HOOK3: variants seen among roughly 807,000 people sequenced by gnomAD.
The protein encoded by HOOK3 is protein Hook homolog 3.
In HOOK3, 24 loss-of-function variants were observed where a neutral mutation model predicts 116.3. That is an observed-to-expected ratio of 0.21 (90% CI 0.15 to 0.29). The LOEUF is 0.29. Among genes scored for constraint, HOOK3 ranks in the 10% least tolerant of loss-of-function variants. The pLI, the probability that HOOK3 is intolerant of heterozygous loss-of-function variation, is 1.00. For synonymous variants in HOOK3, 275 were observed against 283.0 expected (o/e 0.97, Z 0.28); for missense variants, 632 against 830.2 (o/e 0.76, Z 2.93).
chr8:43,024,472 C>T lies in HOOK3; in HGVS notation c.*5974C>T. The stretch of plus-strand genomic sequence containing the variant: ...CCATTCAATAAGGATAATCTCTCTT[C>T]CTATCATTCTGTCAAAATGGCAGTT... On this transcript the variant is annotated 3_prime_UTR_variant, in exon 22 of 22. Coordinates refer to ENST00000307602, the MANE Select transcript of HOOK3 (RefSeq NM_032410.4). 1 of 186,348 alleles carries T rather than the reference C, an allele frequency of 5.4e-6. No homozygotes were observed. The highest frequency in any genetic ancestry group is 8.6e-5 in the East Asian group (1 of 11,604). 11.5% of individuals were successfully genotyped at this position (186,348 alleles called of 1,614,324 possible).
At chr8:42,953,285 G>T (rs1309077214) in intron 6 of HOOK3, among the ~76,000 whole-genome samples, 1 of 150,642 alleles carries the variant, frequency 6.6e-6, no homozygotes, top group Non-Finnish European at 1.5e-5. Context: ...GTAAAATACG[G>T]CCAGGCGCGG....
chr8:42,950,562 G>A, intron 6 of HOOK3, 107 bp downstream of exon 6: 1 of 623,098 alleles, frequency 1.6e-6, no homozygotes, highest in East Asian at 2.7e-5. Flanking sequence ...TTTTTAAAGA[G>A]TTTTTACTTT....
chr8:42,970,634 A>G lies in HOOK3; in HGVS notation c.1122+2420A>G, dbSNP rs533839394. Among the ~76,000 whole-genome samples the G allele has an allele frequency of 1.2e-3, 176 of 152,032 alleles. 1 individual carries two copies. The highest frequency in any genetic ancestry group is 0.011 in the Admixed American group (173 of 15,248). The stretch of plus-strand genomic sequence containing the variant: ...TTTTAAATGCAGTTAGATAGATTCC[A>G]TTTTCACTTTATTGCTAATTTATAT... On this transcript the variant is annotated intron_variant, in intron 11 of 21. Transcript: ENST00000307602.
chr8:42,902,492 G>A (rs1200539708), intron 1 of HOOK3, among the ~76,000 whole-genome samples: 2 of 151,950 alleles, frequency 1.3e-5, no homozygotes, highest in Non-Finnish European at 2.9e-5. Context: ...GCATGGTCTC[G>A]AATTCCTGGG....
intron 2 of HOOK3, among the ~76,000 whole-genome samples, chr8:42,911,829 C>T (rs938481922): frequency 6.6e-6 from 1 of 152,054 alleles, no homozygotes; most frequent in African/African-American, 2.4e-5. Context: ...GAAAGAAGAT[C>T]TGCTGTGGAA....
chr8:42,921,038 T>C (rs1319342492), intron 2 of HOOK3, among the ~76,000 whole-genome samples: 1 of 152,224 alleles, frequency 6.6e-6, no homozygotes. Context: ...ATGCCTGATG[T>C]GAAACATTGT....
chr8:42,901,987 C>T (rs1807199660), intron 1 of HOOK3, among the ~76,000 whole-genome samples: 1 of 152,170 alleles, frequency 6.6e-6, no homozygotes, highest in South Asian at 2.1e-4. Context: ...GGATTACAGG[C>T]GTGAGCCACC....
intron 16 of HOOK3, among the ~76,000 whole-genome samples, chr8:43,001,906 T>C (rs565020458): frequency 2.4e-4 from 37 of 152,340 alleles, no homozygotes; most frequent in African/African-American, 8.4e-4. Context: ...TATTTCATAC[T>C]GATTGTCATC....
At chr8:42,918,566 G>T (rs942663238) in intron 2 of HOOK3, among the ~76,000 whole-genome samples, 1 of 152,092 alleles carries the variant, frequency 6.6e-6, no homozygotes, top group Non-Finnish European at 1.5e-5. Flanking sequence ...TAGGCAGAGG[G>T]CCCTGCCGCC....
intron 19 of HOOK3, 87 bp from the exon 20 acceptor site, chr8:43,012,964 A>AT: frequency 1.2e-6 from 1 of 840,978 alleles, no homozygotes; most frequent in Non-Finnish European, 1.8e-6. Flanking sequence ...TTATCCTTTT[A>AT]TTTTAAAAAA....
At chr8:42,910,735 A>G (rs928179350) in intron 2 of HOOK3, among the ~76,000 whole-genome samples, 3 of 152,226 alleles carry the variant, frequency 2.0e-5, no homozygotes, top group Admixed American at 6.5e-5. Flanking sequence ...TATTTATTGA[A>G]TGGCTACTTT....
chr8:43,002,033 A>G, intron 16 of HOOK3, 74 bp from the exon 17 acceptor site: 1 of 987,350 alleles, frequency 1.0e-6, no homozygotes, highest in Non-Finnish European at 1.6e-6. Context: ...TGACTATTGT[A>G]CTTTTAACTT....
At chr8:43,007,294 G>C (rs1192318711) in intron 17 of HOOK3, among the ~76,000 whole-genome samples, 1 of 152,054 alleles carries the variant, frequency 6.6e-6, no homozygotes, top group Non-Finnish European at 1.5e-5. Flanking sequence ...AGGTGACCCG[G>C]ATCGGTTCTT....
intron 8 of HOOK3, 55 bp downstream of exon 8, chr8:42,959,369 C>T: frequency 8.8e-7 from 1 of 1,133,956 alleles, no homozygotes. Context: ...GTAAATACCA[C>T]CAAATGTGCT....
rs757380480 is a variant in HOOK3, at chr8:42,964,369, A to G, written c.674A>G (p.Glu225Gly). 1 of 1,614,102 alleles carries G rather than the reference A, an allele frequency of 6.2e-7. No homozygotes were observed. The highest frequency in any genetic ancestry group is 8.5e-7 in the Non-Finnish European group (1 of 1,179,936). Residue 225 changes from glutamate to glycine, a missense_variant, in exon 9 of 22, where the codon GAA becomes GGA. Coordinates refer to ENST00000307602, the MANE Select transcript of HOOK3 (RefSeq NM_032410.4). ...SLLAENQVLM[E>G]RLNQSDSIED... Reference sequence around the variant, plus strand: ...TTGGCAGAGAATCAGGTATTAATGGAAAGACTCAATCAATCTGATTCTATA... The same window carrying G: ...TTGGCAGAGAATCAGGTATTAATGGGAAGACTCAATCAATCTGATTCTATA...
chr8:42,943,361 A>G lies in HOOK3; in HGVS notation c.316A>G (p.Ile106Val), dbSNP rs1808164993. 1 of 1,565,218 alleles carries G rather than the reference A, an allele frequency of 6.4e-7. No individual in the cohort carries two copies. Among genetic ancestry groups the G allele is most frequent in the African/African-American group, 1.4e-5 (1 of 73,754 alleles). Residue 106 changes from isoleucine (I) to valine (V), a missense_variant, in exon 5 of 22, where the codon ATT becomes GTT. By Grantham distance (29) the Ile-to-Val change is conservative. Around this residue, in one of 3 missense-constraint regions of HOOK3, gnomAD observed 141 missense variants for 150.8 expected, o/e 0.93. Coordinates refer to ENST00000307602, the MANE Select transcript of HOOK3 (RefSeq NM_032410.4). ...NDFTLPDVNL[I>V]GEHSDAAELG... is the part of the protein sequence containing the mutation. Reference sequence around the variant, plus strand: ...CTTTACCCTTCCTGATGTGAACCTTATTGGGGAGCATTCTGATGCAGCAGA... The same window carrying G: ...CTTTACCCTTCCTGATGTGAACCTTGTTGGGGAGCATTCTGATGCAGCAGA...
At chr8:42,904,866 G>T (rs924363233) in intron 1 of HOOK3, among the ~76,000 whole-genome samples, 2 of 151,982 alleles carry the variant, frequency 1.3e-5, no homozygotes, top group African/African-American at 2.4e-5. Flanking sequence ...TCATCTTTAT[G>T]CCTGCTGTTG....
intron 10 of HOOK3, among the ~76,000 whole-genome samples, chr8:42,967,643 T>G (rs984095531): frequency 3.3e-5 from 5 of 152,064 alleles, no homozygotes; most frequent in Non-Finnish European, 2.9e-5. Context: ...CAAACTTAGA[T>G]TACATAAGGT....
chr8:42,909,156 CG>C (rs540436553), intron 2 of HOOK3, among the ~76,000 whole-genome samples: 238 of 152,178 alleles, frequency 1.6e-3, no homozygotes, highest in African/African-American at 5.5e-3. Context: ...ATGAAAGATA[CG>C]TGTTGGTGAA....
Sources: allele counts gnomAD v4.1 joint callset (sites outside exome capture counted in the v4.1 genomes callset), GRCh38; gene constraint gnomAD v4.1.1; regional missense constraint gnomAD v4.1.1; transcripts MANE v1.5; gene names NCBI Gene and HGNC (gene_info 2026-07-23, HGNC 2026-07-21).